The following PKDCC variants were observed in gnomAD, a reference collection of about 807,000 sequenced individuals.
PKDCC encodes extracellular tyrosine-protein kinase PKDCC.
PKDCC carries 35 observed loss-of-function variants against 44.7 expected under a neutral mutation model. The observed-to-expected ratio is 0.78, with a 90% CI of 0.60 to 1.04. PKDCC has a LOEUF of 1.04. Among genes scored for constraint, PKDCC ranks in the 50% least tolerant of loss-of-function variants. The pLI is 0.00. For missense variants in PKDCC, 738 were observed against 672.7 expected (o/e 1.10, Z -1.07); for synonymous variants, 353 against 303.3 (o/e 1.16, Z -1.70).
rs773898125 is a variant in PKDCC at position 42,057,595 on chromosome 2, C to T, written c.1397-8C>T. On this transcript the variant is annotated splice_region_variant and splice_polypyrimidine_tract_variant and intron_variant, in intron 6 of 6. Transcript: ENST00000294964. ...CCAGCCCTGTTACCTCTCACCTCTG[C>T]CCCCCAGGTCGGCAGCTGGTCTTTT... 8 of 1,612,654 alleles carry T rather than the reference C, an allele frequency of 5.0e-6. No homozygotes were observed. Among genetic ancestry groups the T allele is most frequent in the East Asian group, 2.2e-5 (1 of 44,866 alleles).
At chr2:42,057,074 C>A (rs1668068361) in intron 5 of PKDCC, 147 bp from the exon 6 acceptor site, 2 of 818,026 alleles carry the variant, frequency 2.4e-6, no homozygotes, top group African/African-American at 1.7e-5. Context: ...GTGGTAGCTG[C>A]CTTCATCTGC....
chr2:42,048,636 C>T lies in PKDCC; in HGVS notation c.437C>T (p.Ser146Leu). Residue 146 changes from serine (S) to leucine (L), a missense_variant, in exon 1 of 7, where the codon TCA becomes TTA. Ser to Leu is a moderately radical substitution (Grantham distance 145, BLOSUM62 -2). Coordinates refer to ENST00000294964, the MANE Select transcript of PKDCC (RefSeq NM_138370.3). The surrounding 1 kb of genome is among the most constrained non-coding windows in gnomAD (Gnocchi z 6.2). ...GTGTCCGGCGCGCAGTACATGGGCTCAGGCTACACCAAGGCCGTGTACCGG... is the reference window on the plus strand; with the variant it reads ...GTGTCCGGCGCGCAGTACATGGGCTTAGGCTACACCAAGGCCGTGTACCGG... Reference protein sequence around the residue: ...RNVSGAQYMGSGYTKAVYRVR... With the variant: ...RNVSGAQYMGLGYTKAVYRVR... The T allele has an allele frequency of 1.9e-6, 3 of 1,543,020 alleles. No individual in the cohort carries two copies. The highest frequency in any genetic ancestry group is 2.6e-6 in the Non-Finnish European group (3 of 1,145,930).
chr2:42,052,341 T>C lies in PKDCC; in HGVS notation c.640-898T>C, dbSNP rs1667983040. 1.3e-5 allele frequency among the ~76,000 whole-genome samples: 2 copies of C among 152,076 alleles called. No individual in the cohort carries two copies. Among genetic ancestry groups the C allele is most frequent in the Non-Finnish European group, 2.9e-5 (2 of 68,006 alleles). The stretch of plus-strand genomic sequence containing the variant: ...TCCCTCAAGACCCACGCAGAGAAAA[T>C]TGAAGCTGCCAGAAGGTAGAAATGA... On this transcript the variant is annotated intron_variant, in intron 1 of 6. Coordinates refer to ENST00000294964, the MANE Select transcript of PKDCC (RefSeq NM_138370.3). The surrounding 1 kb of genome is among the most constrained non-coding windows in gnomAD (Gnocchi z 4.3).
At position 42,052,936 on chromosome 2, in the gene PKDCC, AT is replaced by A. The variant is rs1364972076; in HGVS notation, c.640-302del. ...TACTGTGCCCATTAGGGTTATTACA[AT>A]AATTGAGTTATGCACGTAGAGCAAT... On this transcript the variant is annotated intron_variant, in intron 1 of 6. Coordinates refer to ENST00000294964, the MANE Select transcript of PKDCC (RefSeq NM_138370.3). This position sits in a 1 kb window ranked among gnomAD's most constrained non-coding sequence, Gnocchi z 4.3. Among the ~76,000 whole-genome samples, 1 of 152,168 alleles carries A rather than the reference AT, an allele frequency of 6.6e-6. No homozygotes were observed. Among genetic ancestry groups the A allele is most frequent in the Non-Finnish European group, 1.5e-5 (1 of 68,018 alleles).
rs766972424 is a variant in PKDCC, at chr2:42,054,836, G to A, written c.1035-105G>A. 1.8e-5 allele frequency: 19 copies of A among 1,084,546 alleles called. No individual in the cohort carries two copies. Among genetic ancestry groups the A allele is most frequent in the Non-Finnish European group, 2.6e-5 (18 of 703,914 alleles). 67.2% of individuals were successfully genotyped at this position (1,084,546 alleles called of 1,614,324 possible). On this transcript the variant is annotated intron_variant, in intron 3 of 6. Transcript: ENST00000294964. This position sits in a 1 kb window ranked among gnomAD's most constrained non-coding sequence, Gnocchi z 6.1. ...TTCTGCCTGGTTGCTAGGCCTGAGG[G>A]ATCCGGCTCCCTGGCCAGGTTAGCG...
intron 5 of PKDCC, among the ~76,000 whole-genome samples, chr2:42,056,393 A>G (rs1282404864): frequency 2.0e-5 from 3 of 152,256 alleles, no homozygotes; most frequent in Non-Finnish European, 2.9e-5. Flanking sequence ...CACTCTAGCC[A>G]TGGATTTTTT....
At chr2:42,053,190 T>TGCC in intron 1 of PKDCC, 49 bp from the exon 2 acceptor site, 3 of 1,200,002 alleles carry the variant, frequency 2.5e-6, no homozygotes, top group Non-Finnish European at 3.5e-6. Flanking sequence ...CCCTTCCCTG[T>TGCC]CCCCACCCCC....
In PKDCC at chr2:42,048,194, G is replaced by A; in HGVS notation, c.-6G>A. 2 of 1,148,036 alleles carry A rather than the reference G, an allele frequency of 1.7e-6. No individual in the cohort carries two copies. Among genetic ancestry groups the A allele is most frequent in the Non-Finnish European group, 2.1e-6 (2 of 932,042 alleles). The allele number at this position is 1,148,036 out of a possible 1,614,324, so 71.1% of individuals were successfully genotyped here. A position where few individuals can be genotyped will look rare whatever the true frequency, so the allele number is the denominator to read the frequency against. On this transcript the variant is annotated 5_prime_UTR_variant, in exon 1 of 7. Coordinates refer to ENST00000294964, the MANE Select transcript of PKDCC (RefSeq NM_138370.3). The surrounding 1 kb of genome is among the most constrained non-coding windows in gnomAD (Gnocchi z 6.2). ...GCGGGGCCGGCCGGCCGGGGGGAGG[G>A]GAGCGATGCGGCGCCGGCGGGCGGC...
rs1668039950 is a variant in PKDCC at position 42,055,528 on chromosome 2, A to G, written c.1222+135A>G. On this transcript the variant is annotated intron_variant, in intron 5 of 6. Coordinates refer to ENST00000294964, the MANE Select transcript of PKDCC (RefSeq NM_138370.3). The surrounding 1 kb of genome is among the most constrained non-coding windows in gnomAD (Gnocchi z 4.5). ...CAAAGGCCACTGTAGGGGCTCACAT[A>G]GAATCATGGAGGGGCTGACATGGAC... is the stretch of plus-strand genomic sequence containing the variant. 2 of 675,718 alleles carry G rather than the reference A, an allele frequency of 3.0e-6. No homozygotes were observed. The highest frequency in any genetic ancestry group is 2.8e-5 in the Admixed American group (1 of 35,514). 41.9% of individuals were successfully genotyped at this position (675,718 alleles called of 1,614,324 possible).
chr2:42,052,613 G>A lies in PKDCC; in HGVS notation c.640-626G>A, dbSNP rs982464530. ...AAAAGACAAAAATTAGCTGGGCATAGTGGCAAGCGCCTGTAATCCCAGCTA... is the reference window on the plus strand; with the variant it reads ...AAAAGACAAAAATTAGCTGGGCATAATGGCAAGCGCCTGTAATCCCAGCTA... On this transcript the variant is annotated intron_variant, in intron 1 of 6. Coordinates refer to ENST00000294964, the MANE Select transcript of PKDCC (RefSeq NM_138370.3). This position sits in a 1 kb window ranked among gnomAD's most constrained non-coding sequence, Gnocchi z 4.3. Among the ~76,000 whole-genome samples the A allele has an allele frequency of 2.0e-5, 3 of 152,066 alleles. No homozygotes were observed. The highest frequency in any genetic ancestry group is 7.2e-5 in the African/African-American group (3 of 41,398).
chr2:42,055,521 C>A lies in PKDCC; in HGVS notation c.1222+128C>A. ...TTGTCTCCAAAGGCCACTGTAGGGG[C>A]TCACATAGAATCATGGAGGGGCTGA... is the stretch of plus-strand genomic sequence containing the variant. On this transcript the variant is annotated intron_variant, in intron 5 of 6. Coordinates refer to ENST00000294964, the MANE Select transcript of PKDCC (RefSeq NM_138370.3). The surrounding 1 kb of genome is among the most constrained non-coding windows in gnomAD (Gnocchi z 4.5). 1 of 724,686 alleles carries A rather than the reference C, an allele frequency of 1.4e-6. No individual in the cohort carries two copies. The highest frequency in any genetic ancestry group is 2.3e-6 in the Non-Finnish European group (1 of 431,390). 44.9% of individuals were successfully genotyped at this position (724,686 alleles called of 1,614,324 possible).
Position 42,055,125 on chromosome 2 carries a change from A to G in PKDCC, c.1114+105A>G, listed in dbSNP as rs151282195. 5,598 of 1,375,746 alleles carry G rather than the reference A, an allele frequency of 4.1e-3. 17 individuals are homozygous for G. Among genetic ancestry groups the G allele is most frequent in the Non-Finnish European group, 5.0e-3 (4,882 of 971,064 alleles). 85.2% of individuals were successfully genotyped at this position (1,375,746 alleles called of 1,614,324 possible). The stretch of plus-strand genomic sequence containing the variant: ...CAGGGCAGCAGGGGTTCTAGAAACC[A>G]TCACTTCCTAAGGTGGCATTCTGCC... On this transcript the variant is annotated intron_variant, in intron 4 of 6. Coordinates refer to ENST00000294964, the MANE Select transcript of PKDCC (RefSeq NM_138370.3). The surrounding 1 kb of genome is among the most constrained non-coding windows in gnomAD (Gnocchi z 4.5).
rs747912047 is a variant in PKDCC at position 42,055,358 on chromosome 2, A to G, written c.1187A>G (p.Gln396Arg). The change falls in exon 5 of 7, where the codon CAG (glutamine) becomes CGG (arginine). Residue 396 changes from glutamine to arginine, a missense_variant. Transcript: ENST00000294964. This position sits in a 1 kb window ranked among gnomAD's most constrained non-coding sequence, Gnocchi z 4.5. ...EKVLHLYRSG[Q>R]YLQNSTASSS... ...GTGCTGCACCTGTACCGGAGCGGGC[A>G]GTATCTGCAGAACTCCACGGCAAGC... The G allele has an allele frequency of 2.0e-5, 32 of 1,613,628 alleles. No individual in the cohort carries two copies. Among genetic ancestry groups the G allele is most frequent in the Middle Eastern group, 3.3e-4 (2 of 6,080 alleles).
rs60784824 is a variant in PKDCC, at chr2:42,051,483, TG to T, written c.640-1748del. 0.51 allele frequency among the ~76,000 whole-genome samples: 76,810 copies of T among 151,692 alleles called. 21,446 individuals are homozygous for T. Among genetic ancestry groups the T allele is most frequent in the African/African-American group, 0.75 (30,814 of 41,342 alleles). The stretch of plus-strand genomic sequence containing the variant: ...CTGAAATGCTCAGCCTCACGCTTCC[TG>T]GGGGGGGTTAATGGTGTCTTTTTAT... On this transcript the variant is annotated intron_variant, in intron 1 of 6. Coordinates refer to ENST00000294964, the MANE Select transcript of PKDCC (RefSeq NM_138370.3). The surrounding 1 kb of genome is among the most constrained non-coding windows in gnomAD (Gnocchi z 4.2).
At chr2:42,049,889 A>G (rs1667938297) in intron 1 of PKDCC, among the ~76,000 whole-genome samples, 1 of 152,126 alleles carries the variant, frequency 6.6e-6, no homozygotes, top group South Asian at 2.1e-4. Context: ...AGCCTCCCCA[A>G]CGGATGAAAT....
In PKDCC at chr2:42,048,971, G is replaced by T; in HGVS notation, c.639+133G>T. 1 of 1,298,442 alleles carries T rather than the reference G, an allele frequency of 7.7e-7. No homozygotes were observed. 80.4% of individuals were successfully genotyped at this position (1,298,442 alleles called of 1,614,324 possible). A position where few individuals can be genotyped will look rare whatever the true frequency, so the allele number is the denominator to read the frequency against. ...CAGGCTAAGCTAGACGCAGAAACCG[G>T]ACCATGGCCCTTCCCACTGCACCAC... On this transcript the variant is annotated intron_variant, in intron 1 of 6. Coordinates refer to ENST00000294964, the MANE Select transcript of PKDCC (RefSeq NM_138370.3). The surrounding 1 kb of genome is among the most constrained non-coding windows in gnomAD (Gnocchi z 6.2).
At chr2:42,057,187 A>C (rs1378257363) in intron 5 of PKDCC, 34 bp from the exon 6 acceptor site, 1 of 1,609,024 alleles carries the variant, frequency 6.2e-7, no homozygotes, top group East Asian at 2.2e-5. Flanking sequence ...CTGGGCATAC[A>C]GAATTCTCAT....
At chr2:42,053,184 TC>T in intron 1 of PKDCC, 54 bp from the exon 2 acceptor site, 1 of 1,286,836 alleles carries the variant, frequency 7.8e-7, no homozygotes, top group Non-Finnish European at 1.1e-6. Flanking sequence ...GTCCAGCCCT[TC>T]CCTGTCCCCA....
chr2:42,055,820 C>T lies in PKDCC; in HGVS notation c.1222+427C>T, dbSNP rs143436849. On this transcript the variant is annotated intron_variant, in intron 5 of 6. Transcript: ENST00000294964. The surrounding 1 kb of genome is among the most constrained non-coding windows in gnomAD (Gnocchi z 4.5). ...TGCAGTTCCTATGACACAGCTGGAA[C>T]GCAGTATATGTTTGCTTCCCTTTCC... Among the ~76,000 whole-genome samples the T allele has an allele frequency of 4.6e-5, 7 of 152,292 alleles. No individual in the cohort carries two copies. The highest frequency in any genetic ancestry group is 1.2e-4 in the African/African-American group (5 of 41,542).
Sources: allele counts gnomAD v4.1 joint callset (sites outside exome capture counted in the v4.1 genomes callset), GRCh38; gene constraint gnomAD v4.1.1; non-coding constraint Gnocchi (gnomAD v3.1); transcripts MANE v1.5; gene names NCBI Gene and HGNC (gene_info 2026-07-23, HGNC 2026-07-21).